The following NRXN1 variants were observed in gnomAD, a reference collection of about 807,000 sequenced individuals.
NRXN1 encodes the protein neurexin 1.
In NRXN1, 39 loss-of-function variants were observed where a neutral mutation model predicts 150.9. That is an observed-to-expected ratio of 0.26 (90% CI 0.20 to 0.34). The LOEUF is 0.34. Ranked by LOEUF, NRXN1 falls within the 10% of genes least tolerant of loss-of-function variation. The pLI, the probability that NRXN1 is intolerant of heterozygous loss-of-function variation, is 1.00. For synonymous variants in NRXN1, 924 were observed against 757.0 expected (o/e 1.22, Z -3.62); for missense variants, 1,815 against 1,949.9 (o/e 0.93, Z 1.30).
At chr2:50,293,163 T>A (rs1468999299) in intron 17 of NRXN1, among the ~76,000 whole-genome samples, 1 of 152,108 alleles carries the variant, frequency 6.6e-6, no homozygotes, top group Non-Finnish European at 1.5e-5. Flanking sequence ...CTTCTTCCAT[T>A]CCCAAGCCTG....
At chr2:50,803,039 T>C (rs1426231106) in intron 5 of NRXN1, among the ~76,000 whole-genome samples, 2 of 152,202 alleles carry the variant, frequency 1.3e-5, no homozygotes, top group Non-Finnish European at 2.9e-5. Context: ...CTTTTGGTAC[T>C]TTTTGTGGTA....
At chr2:50,619,955 C>T (rs1361387371) in intron 8 of NRXN1, 67 bp downstream of exon 8, 2 of 1,395,938 alleles carry the variant, frequency 1.4e-6, no homozygotes, top group African/African-American at 2.9e-5. Context: ...AGCAAAGGTG[C>T]TTTCATGCTG....
At chr2:50,388,224 T>G (rs1242179371) in intron 17 of NRXN1, among the ~76,000 whole-genome samples, 1 of 152,190 alleles carries the variant, frequency 6.6e-6, no homozygotes, top group East Asian at 1.9e-4. Flanking sequence ...TAAAATAGAC[T>G]GATTATGAAT....
chr2:50,601,846 AG>A (rs1676332036), intron 8 of NRXN1, among the ~76,000 whole-genome samples: 1 of 152,172 alleles, frequency 6.6e-6, no homozygotes, highest in Non-Finnish European at 1.5e-5. Context: ...CCTTGTTCTA[AG>A]GTAATTCTGT....
At chr2:50,912,223 T>C (rs1196118536) in intron 5 of NRXN1, 2 of 151,830 alleles carry the variant, frequency 1.3e-5, no homozygotes, top group Non-Finnish European at 2.9e-5. Context: ...AGTGATCTCT[T>C]TTAAAGTACA....
chr2:50,481,384 G>A (rs1479556321), intron 15 of NRXN1, among the ~76,000 whole-genome samples: 8 of 152,158 alleles, frequency 5.3e-5, no homozygotes, highest in Non-Finnish European at 4.4e-5. Context: ...ATCTCATAAA[G>A]GCAAAGTCAA....
intron 17 of NRXN1, among the ~76,000 whole-genome samples, chr2:50,325,780 C>T (rs923539988): frequency 6.6e-6 from 1 of 152,166 alleles, no homozygotes; most frequent in Non-Finnish European, 1.5e-5. Flanking sequence ...AGAAAATGCA[C>T]GCTATTGCTT....
intron 17 of NRXN1, among the ~76,000 whole-genome samples, chr2:50,429,960 T>C (rs143885047): frequency 6.6e-6 from 1 of 152,310 alleles, no homozygotes; most frequent in East Asian, 1.9e-4. Flanking sequence ...TACATATTAA[T>C]ATTCTACATT....
chr2:50,431,689 C>T (rs2104374100), intron 17 of NRXN1, among the ~76,000 whole-genome samples: 1 of 152,158 alleles, frequency 6.6e-6, no homozygotes, highest in Middle Eastern at 3.4e-3. Context: ...ACTCTTTTAC[C>T]TATTGTCCAC....
At chr2:50,701,990 T>C (rs896215313) in intron 5 of NRXN1, among the ~76,000 whole-genome samples, 1 of 152,172 alleles carries the variant, frequency 6.6e-6, no homozygotes, top group Non-Finnish European at 1.5e-5. Context: ...TGGTAATAAC[T>C]TCTGTATCTT....
chr2:50,356,471 G>A (rs1034282917), intron 17 of NRXN1, among the ~76,000 whole-genome samples: 2 of 152,066 alleles, frequency 1.3e-5, no homozygotes, highest in Admixed American at 1.3e-4. Context: ...ATTAATCAAT[G>A]TTGCTTTTCT....
intron 18 of NRXN1, among the ~76,000 whole-genome samples, chr2:50,132,266 G>A (rs2152748472): frequency 6.7e-6 from 1 of 150,176 alleles, no homozygotes; most frequent in African/African-American, 2.4e-5. Flanking sequence ...GATATGCTGT[G>A]TCATACGTTT....
chr2:50,356,218 C>T (rs1204024879), intron 17 of NRXN1, among the ~76,000 whole-genome samples: 1 of 152,090 alleles, frequency 6.6e-6, no homozygotes, highest in Non-Finnish European at 1.5e-5. Flanking sequence ...AATAATATTA[C>T]TATAGCAAAA....
chr2:50,334,316 GT>G (rs1378147729), intron 17 of NRXN1, among the ~76,000 whole-genome samples: 4 of 151,494 alleles, frequency 2.6e-5, no homozygotes, highest in Non-Finnish European at 5.9e-5. Flanking sequence ...AGCTGCATTT[GT>G]CTGGAATTAC....
chr2:50,224,925 A>G (rs2152862935), intron 18 of NRXN1, among the ~76,000 whole-genome samples: 1 of 152,124 alleles, frequency 6.6e-6, no homozygotes, highest in Admixed American at 6.6e-5. Context: ...AATGATACAG[A>G]GAACAGACAA....
At chr2:50,001,209 C>A (rs1683860177) in intron 21 of NRXN1, among the ~76,000 whole-genome samples, 1 of 152,106 alleles carries the variant, frequency 6.6e-6, no homozygotes, top group Non-Finnish European at 1.5e-5. Flanking sequence ...TTATCACAAA[C>A]TGTGGATGGT....
intron 18 of NRXN1, among the ~76,000 whole-genome samples, chr2:50,154,183 A>G (rs2058870643): frequency 6.6e-6 from 1 of 151,580 alleles, no homozygotes; most frequent in Admixed American, 6.6e-5. Flanking sequence ...TTTGAAGATT[A>G]TTTTTTATCC....
At chr2:50,718,577 G>A (rs1023938444) in intron 5 of NRXN1, among the ~76,000 whole-genome samples, 1 of 152,132 alleles carries the variant, frequency 6.6e-6, no homozygotes, top group Non-Finnish European at 1.5e-5. Flanking sequence ...TTTAATTCAG[G>A]ATTTGACAAT....
chr2:49,971,084 C>T (rs1677875050), intron 21 of NRXN1, among the ~76,000 whole-genome samples: 1 of 152,030 alleles, frequency 6.6e-6, no homozygotes, highest in East Asian at 1.9e-4. Flanking sequence ...AGTATAAGTT[C>T]TTAAATATTT....
Sources: allele counts gnomAD v4.1 joint callset (sites outside exome capture counted in the v4.1 genomes callset), GRCh38; gene constraint gnomAD v4.1.1; transcripts MANE v1.5; gene names NCBI Gene and HGNC (gene_info 2026-07-23, HGNC 2026-07-21).